SMC6: variants seen among roughly 807,000 people sequenced by gnomAD.
SMC6 encodes structural maintenance of chromosomes protein 6.
Under a neutral mutation model 142.2 loss-of-function variants are expected in SMC6, and 79 were observed. The ratio of observed to expected loss-of-function variants is 0.56; its 90% CI spans 0.46 to 0.67. The LOEUF (loss-of-function observed/expected upper bound fraction) is 0.67. SMC6 is among the 30% of genes least tolerant of loss of function. The pLI, the probability that SMC6 is intolerant of heterozygous loss-of-function variation, is 0.00. For missense variants in SMC6, 1,072 were observed against 1,284.0 expected (o/e 0.83, Z 2.52); for synonymous variants, 411 against 412.4 (o/e 1.00, Z 0.04).
intron 21 of SMC6, among the ~76,000 whole-genome samples, chr2:17,699,521 T>A (rs1018128526): frequency 6.6e-6 from 1 of 152,172 alleles, no homozygotes; most frequent in Admixed American, 6.6e-5. Context: ...ATTACTTTTT[T>A]AAGTACTTTT....
At chr2:17,713,030 T>C (rs1292136510) in intron 16 of SMC6, among the ~76,000 whole-genome samples, 1 of 152,246 alleles carries the variant, frequency 6.6e-6, no homozygotes, top group Admixed American at 6.5e-5. Context: ...AGACTTATCA[T>C]GCATTTAAGC....
intron 11 of SMC6, 83 bp from the exon 12 acceptor site, chr2:17,718,306 CAAT>C (rs1465613509): frequency 3.3e-6 from 3 of 900,096 alleles, no homozygotes; most frequent in Non-Finnish European, 4.7e-6. Context: ...GTTCATATAC[CAAT>C]AATAAATTTA....
Position 17,664,645 on chromosome 2 carries a change from C to A in SMC6, c.*854G>T, listed in dbSNP as rs901557654. 6.6e-6 allele frequency: 1 copy of A among 152,158 alleles called. No individual in the cohort carries two copies. The highest frequency in any genetic ancestry group is 1.5e-5 in the Non-Finnish European group (1 of 68,032). 9.4% of individuals were successfully genotyped at this position (152,158 alleles called of 1,614,324 possible). On this transcript the variant is annotated 3_prime_UTR_variant, in exon 28 of 28. Transcript: ENST00000448223. Reference sequence around the variant, plus strand: ...ATTCTAAGCAGCACACTTTTTAACACCCCTCAATTAGGATGAGTCTTAGAA... The same window carrying A: ...ATTCTAAGCAGCACACTTTTTAACAACCCTCAATTAGGATGAGTCTTAGAA...
chr2:17,740,911 T>G (rs906428533), intron 4 of SMC6: 1 of 286,418 alleles, frequency 3.5e-6, no homozygotes, highest in African/African-American at 2.4e-5. Context: ...AACAAAACTC[T>G]AATTGGTTCC....
Position 17,725,335 on chromosome 2 carries a change from A to C in SMC6, c.648T>G (p.Leu216=). ...ATGAATAATCTTCCTTCATCTGTTC[A>C]AGTTGCGTTGCTTTCATGAAGAACT... ...KYKFFMKATQ[L]EQMKEDYSYI... is the part of the protein sequence containing the mutation. Residue 216 remains leucine (L), a synonymous_variant, in exon 9 of 28, where the codon CTT becomes CTG. Coordinates refer to ENST00000448223, the MANE Select transcript of SMC6 (RefSeq NM_001142286.2). 1 of 1,603,268 alleles carries C rather than the reference A, an allele frequency of 6.2e-7. No homozygotes were observed. Among genetic ancestry groups the C allele is most frequent in the Non-Finnish European group, 8.5e-7 (1 of 1,177,560 alleles).
intron 23 of SMC6, among the ~76,000 whole-genome samples, chr2:17,693,502 A>C (rs567393052): frequency 6.6e-6 from 1 of 152,046 alleles, no homozygotes; most frequent in Non-Finnish European, 1.5e-5. Flanking sequence ...CAACGAGAAC[A>C]CATGGACACA....
At chr2:17,739,576 T>C (rs1228687662) in intron 4 of SMC6, among the ~76,000 whole-genome samples, 2 of 151,528 alleles carry the variant, frequency 1.3e-5, no homozygotes, top group East Asian at 1.9e-4. Flanking sequence ...ACCTGGGAGG[T>C]AGAGGTTATA....
At chr2:17,666,319 T>C (rs1017527701) in intron 27 of SMC6, 101 bp downstream of exon 27, 8 of 781,506 alleles carry the variant, frequency 1.0e-5, no homozygotes, top group South Asian at 2.0e-5. Flanking sequence ...TTTATTTTCA[T>C]TGGTCTTGTA....
At chr2:17,686,970 A>G (rs1242841184) in intron 23 of SMC6, among the ~76,000 whole-genome samples, 1 of 152,192 alleles carries the variant, frequency 6.6e-6, no homozygotes, top group Non-Finnish European at 1.5e-5. Context: ...TAAAACATAA[A>G]TGAATTTTTG....
rs540589933 is a variant in SMC6 at position 17,721,779 on chromosome 2, T to C, written c.727-518A>G. The stretch of plus-strand genomic sequence containing the variant: ...GGCACAATCTCGGCTCACTGCAACC[T>C]CCACCTCCCAGGTTCAAGCGATTCT... On this transcript the variant is annotated intron_variant, in intron 9 of 27. Coordinates refer to ENST00000448223, the MANE Select transcript of SMC6 (RefSeq NM_001142286.2). 1.1e-4 allele frequency among the ~76,000 whole-genome samples: 17 copies of C among 151,088 alleles called. No homozygotes were observed. The East Asian group carries it at 3.3e-3, about 29-fold the overall frequency.
Position 17,717,163 on chromosome 2 carries a change from C to A in SMC6, c.1106G>T (p.Arg369Leu), listed in dbSNP as rs149967721. 3 of 1,607,350 alleles carry A rather than the reference C, an allele frequency of 1.9e-6. No homozygotes were observed. Among genetic ancestry groups the A allele is most frequent in the East Asian group, 2.2e-5 (1 of 44,646 alleles). The part of the protein sequence containing the change: ...AYNEAEVLYN[R>L]SLNEYKALKK... ...TAATGCTTTATATTCGTTTAAGGAT[C>A]GGTTATATAAAACCTAACCAAAAAA... Residue 369 changes from arginine (R) to leucine (L), a missense_variant, in exon 13 of 28, where the codon CGA becomes CTA. Physicochemically the swap from Arg to Leu is moderately radical, Grantham distance 102. Coordinates refer to ENST00000448223, the MANE Select transcript of SMC6 (RefSeq NM_001142286.2).
At chr2:17,695,456 T>C (rs1667944533) in intron 22 of SMC6, among the ~76,000 whole-genome samples, 159 bp from the exon 23 acceptor site, 1 of 152,172 alleles carries the variant, frequency 6.6e-6, no homozygotes, top group African/African-American at 2.4e-5. Flanking sequence ...TATCTAAGTT[T>C]TATATTGAAG....
chr2:17,724,094 T>G (rs1669502468), intron 9 of SMC6, among the ~76,000 whole-genome samples: 1 of 152,134 alleles, frequency 6.6e-6, no homozygotes, highest in African/African-American at 2.4e-5. Context: ...ACAAATTTAT[T>G]TCAAGTCCTG....
chr2:17,723,068 C>T (rs1420918887), intron 9 of SMC6, among the ~76,000 whole-genome samples: 3 of 151,324 alleles, frequency 2.0e-5, no homozygotes, highest in African/African-American at 7.3e-5. Context: ...CTTCCTATCT[C>T]AATAAACTTA....
chr2:17,705,160 A>AC (rs1172210043), intron 18 of SMC6, among the ~76,000 whole-genome samples: 1 of 152,130 alleles, frequency 6.6e-6, no homozygotes, highest in Admixed American at 6.5e-5. Flanking sequence ...CGGGAGGCTG[A>AC]GGCAGGAAAA....
At chr2:17,701,802 C>A (rs763384694) in intron 20 of SMC6, 27 bp downstream of exon 20, 2 of 1,390,634 alleles carry the variant, frequency 1.4e-6, no homozygotes, top group Non-Finnish European at 2.0e-6. Flanking sequence ...TTTAATATTA[C>A]ATTTAAATTG....
intron 23 of SMC6, among the ~76,000 whole-genome samples, chr2:17,691,260 A>G (rs1402977959): frequency 7.9e-6 from 1 of 126,572 alleles, no homozygotes; most frequent in African/African-American, 3.0e-5. Flanking sequence ...ACACACACAC[A>G]CCAGAATACT....
At chr2:17,684,331 A>G (rs1347398071) in intron 23 of SMC6, among the ~76,000 whole-genome samples, 1 of 152,184 alleles carries the variant, frequency 6.6e-6, no homozygotes, top group Non-Finnish European at 1.5e-5. Context: ...TACCCTTCCC[A>G]TTCTCCTTCA....
chr2:17,729,982 A>C (rs1669828974), intron 7 of SMC6, among the ~76,000 whole-genome samples: 1 of 152,068 alleles, frequency 6.6e-6, no homozygotes, highest in South Asian at 2.1e-4. Context: ...CAGACCCCTA[A>C]TTGTTCTTTT....
Sources: allele counts gnomAD v4.1 joint callset (sites outside exome capture counted in the v4.1 genomes callset), GRCh38; gene constraint gnomAD v4.1.1; transcripts MANE v1.5; gene names NCBI Gene and HGNC (gene_info 2026-07-23, HGNC 2026-07-21).